The following UHRF2 variants were observed in gnomAD, a reference collection of about 807,000 sequenced individuals.
The protein encoded by UHRF2 is E3 ubiquitin-protein ligase UHRF2.
In UHRF2, 23 loss-of-function variants were observed where a neutral mutation model predicts 96.8. That is an observed-to-expected ratio of 0.24 (90% confidence interval 0.17 to 0.34). UHRF2 has a LOEUF of 0.34. Ranked by LOEUF, UHRF2 falls within the 10% of genes least tolerant of loss-of-function variation. The probability of loss-of-function intolerance (pLI) is 1.00; values close to 1 mark genes in which losing one functional copy is unlikely to be tolerated. For synonymous variants in UHRF2, 385 were observed against 332.6 expected, an observed-to-expected ratio of 1.16 and a Z score of -1.72; for missense variants, 685 against 981.5, an observed-to-expected ratio of 0.70 and a Z score of 4.04.
chr9:6,449,413 G>C (rs1335119958), intron 3 of UHRF2: 1 of 152,248 alleles, frequency 6.6e-6, no homozygotes, highest in Admixed American at 6.5e-5. Context: ...CTTTCAAAAT[G>C]ATAGACCAGC....
chr9:6,477,510 G>C lies in UHRF2; in HGVS notation c.974-112G>C, dbSNP rs1823654720. 3 of 1,031,722 alleles carry C rather than the reference G, an allele frequency of 2.9e-6. No homozygotes were observed. In the Admixed American group the frequency reaches 8.8e-5, roughly 30 times the overall value. 63.9% of individuals were successfully genotyped at this position (1,031,722 alleles called of 1,614,324 possible). On this transcript the variant is annotated intron_variant, in intron 5 of 15. Transcript: ENST00000276893. Reference sequence around the variant, plus strand: ...CATTGCACTCCAGCCTGGGTAACAAGAGCAAAACTCCATTTCAAAAAAAAT... The same window carrying C: ...CATTGCACTCCAGCCTGGGTAACAACAGCAAAACTCCATTTCAAAAAAAAT...
chr9:6,480,180 C>T (rs1345249385), intron 6 of UHRF2, among the ~76,000 whole-genome samples: 1 of 152,162 alleles, frequency 6.6e-6, no homozygotes. Flanking sequence ...TGCCTCAGGA[C>T]CTTTGCACTT....
chr9:6,493,151 A>G (rs1824766313), intron 9 of UHRF2, among the ~76,000 whole-genome samples: 1 of 152,174 alleles, frequency 6.6e-6, no homozygotes, highest in Non-Finnish European at 1.5e-5. Context: ...TACAAAAGCT[A>G]GACAGGCGTA....
Position 6,420,706 on chromosome 9 carries a change from CAAA to C in UHRF2, c.154-193_154-191del, listed in dbSNP as rs879041284. 8.5e-5 allele frequency among the ~76,000 whole-genome samples: 6 copies of C among 70,782 alleles called. No homozygotes were observed. In the East Asian group the frequency reaches 1.2e-3, roughly 14 times the overall value. 46.4% of individuals were successfully genotyped at this position (70,782 alleles called of 152,430 possible). A position where few individuals can be genotyped will look rare whatever the true frequency, so the allele number is the denominator to read the frequency against. On this transcript the variant is annotated intron_variant, in intron 1 of 15. Coordinates refer to ENST00000276893, the MANE Select transcript of UHRF2 (RefSeq NM_152896.3). ...TGGGCGACAGAGTGAGACACCGTCT[CAAA>C]AAAAAAAAAAAAGAGAGAGAGAGAA...
At chr9:6,477,233 CA>C (rs202167670) in intron 5 of UHRF2, among the ~76,000 whole-genome samples, 1 of 146,038 alleles carries the variant, frequency 6.8e-6, no homozygotes, top group African/African-American at 2.5e-5. Flanking sequence ...GACTCCATCT[CA>C]AAAAAAAAGA....
Position 6,506,274 on chromosome 9 carries a change from T to G in UHRF2, c.*95T>G. 2 of 1,492,360 alleles carry G rather than the reference T, an allele frequency of 1.3e-6. No homozygotes were observed. Among genetic ancestry groups the G allele is most frequent in the Admixed American group, 3.9e-5 (2 of 50,922 alleles). The allele number at this position is 1,492,360 out of a possible 1,614,324, so 92.4% of individuals were successfully genotyped here. On this transcript the variant is annotated 3_prime_UTR_variant, in exon 16 of 16. Transcript: ENST00000276893. ...GGTGGAAGAAATGGTGGACTGTATCTCTCACGTTCTGAAGCAGCTAATCCT... is the reference window on the plus strand; with the variant it reads ...GGTGGAAGAAATGGTGGACTGTATCGCTCACGTTCTGAAGCAGCTAATCCT...
At position 6,497,413 on chromosome 9, in the gene UHRF2, C is replaced by G. The variant is rs985564751; in HGVS notation, c.1767+53C>G. 47 of 1,591,974 alleles carry G rather than the reference C, an allele frequency of 3.0e-5. No homozygotes were observed. In the African/African-American group the frequency reaches 5.9e-4, roughly 20 times the overall value. Reference sequence around the variant, plus strand: ...TGTCATTCTTCCTGGGCTTTCAAGGCAGGGTTGTTGCAAGGAACTACTGTG... The same window carrying G: ...TGTCATTCTTCCTGGGCTTTCAAGGGAGGGTTGTTGCAAGGAACTACTGTG... On this transcript the variant is annotated intron_variant, in intron 11 of 15. Coordinates refer to ENST00000276893, the MANE Select transcript of UHRF2 (RefSeq NM_152896.3).
chr9:6,476,506 G>A (rs1418894343), intron 5 of UHRF2, among the ~76,000 whole-genome samples: 2 of 152,070 alleles, frequency 1.3e-5, no homozygotes, highest in East Asian at 1.9e-4. Context: ...TTCATTTAAC[G>A]GATTTTTCTT....
intron 4 of UHRF2, chr9:6,468,615 A>G (rs531329304): frequency 1.6e-4 from 75 of 456,048 alleles, no homozygotes; most frequent in South Asian, 1.1e-3. Context: ...TTTTTGGCAG[A>G]TATTTGGGAT....
chr9:6,445,966 T>TCC (rs35680435), intron 3 of UHRF2, among the ~76,000 whole-genome samples: 11,624 of 112,140 alleles, frequency 0.1, 1,174 homozygotes, highest in East Asian at 0.33. Context: ...TAAATACTCT[T>TCC]CCCCCCCCGC....
intron 9 of UHRF2, among the ~76,000 whole-genome samples, chr9:6,493,019 A>G (rs1587874424): frequency 6.6e-6 from 1 of 152,218 alleles, no homozygotes; most frequent in East Asian, 1.9e-4. Flanking sequence ...TATGAAAGCC[A>G]GGGCGCAGTG....
At chr9:6,433,424 CTT>C (rs770650329) in intron 2 of UHRF2, among the ~76,000 whole-genome samples, 10 of 151,992 alleles carry the variant, frequency 6.6e-5, no homozygotes, top group Admixed American at 2.6e-4. Flanking sequence ...TCATTAGACT[CTT>C]TTTTTTATTG....
rs1182273976 is a variant in UHRF2 at position 6,493,784 on chromosome 9, C to G, written c.1498-42C>G. The G allele has an allele frequency of 2.7e-6, 4 of 1,505,974 alleles. No homozygotes were observed. In the East Asian group the frequency reaches 6.8e-5, roughly 26 times the overall value. The allele number at this position is 1,505,974 out of a possible 1,614,324, so 93.3% of individuals were successfully genotyped here. On this transcript the variant is annotated intron_variant, in intron 9 of 15. Transcript: ENST00000276893. ...TGAAATAAGAATTGATGAAATTATA[C>G]TTGGGTTTAGCTTTCTTAATAAAGA...
rs888055127 is a variant in UHRF2 at position 6,482,111 on chromosome 9, C to A, written c.1392+12C>A. On this transcript the variant is annotated intron_variant, in intron 8 of 15. Transcript: ENST00000276893. ...GATTTAGAGTTCAGGTATGTTTTAA[C>A]TTGGGCTTAGTTGAAAGGGGAGAAT... 6.2e-7 allele frequency: 1 copy of A among 1,609,126 alleles called. No individual in the cohort carries two copies.
chr9:6,457,679 C>A (rs1426256616), intron 3 of UHRF2, among the ~76,000 whole-genome samples: 7 of 152,124 alleles, frequency 4.6e-5, no homozygotes, highest in Admixed American at 6.5e-5. Context: ...GAGATACATT[C>A]CATCAAAACC....
chr9:6,467,377 GT>G (rs1027591478), intron 4 of UHRF2, among the ~76,000 whole-genome samples: 1 of 151,966 alleles, frequency 6.6e-6, no homozygotes, highest in African/African-American at 2.4e-5. Context: ...CCATTTCAAG[GT>G]TTTTTATATG....
In UHRF2 at chr9:6,414,506, C is replaced by CT. The variant is rs369220030; in HGVS notation, c.153+864dup. On this transcript the variant is annotated intron_variant, in intron 1 of 15. Coordinates refer to ENST00000276893, the MANE Select transcript of UHRF2 (RefSeq NM_152896.3). Reference sequence around the variant, plus strand: ...CTGGTATTTTTATGGTCTGGCCAGTCTAAGTTTTTTTCCTATTCCACAAGT... The same window carrying CT: ...CTGGTATTTTTATGGTCTGGCCAGTCTTAAGTTTTTTTCCTATTCCACAAGT... Among the ~76,000 whole-genome samples the CT allele has an allele frequency of 5.1e-3, 779 of 152,260 alleles. 1 individual carries two copies. Among genetic ancestry groups the CT allele is most frequent in the African/African-American group, 0.018 (733 of 41,542 alleles).
At chr9:6,449,361 G>C (rs1263326314) in intron 3 of UHRF2, 8 of 152,206 alleles carry the variant, frequency 5.3e-5, no homozygotes. Flanking sequence ...CCAAGATGTT[G>C]TCAGAGTTGA....
At position 6,414,876 on chromosome 9, in the gene UHRF2, G is replaced by C. The variant is rs188819204; in HGVS notation, c.153+1233G>C. The stretch of plus-strand genomic sequence containing the variant: ...CACCTTTGATTTGTGTTTGCAGCCA[G>C]TTTTGTACTGACTTCTTAGTGTTTG... On this transcript the variant is annotated intron_variant, in intron 1 of 15. Coordinates refer to ENST00000276893, the MANE Select transcript of UHRF2 (RefSeq NM_152896.3). Among the ~76,000 whole-genome samples the C allele has an allele frequency of 1.1e-3, 163 of 152,248 alleles. 3 individuals carry two copies. The highest frequency in any genetic ancestry group is 7.9e-3 in the Admixed American group (121 of 15,296).
Sources: gnomAD v4.1 joint callset for allele counts (sites outside exome capture counted in the v4.1 genomes callset) on GRCh38, gnomAD v4.1.1 for gene constraint, MANE v1.5 for transcripts, NCBI Gene and HGNC (gene_info 2026-07-23, HGNC 2026-07-21) for gene names.